The following PIP5K1A variants were observed in gnomAD, a reference collection of about 807,000 sequenced individuals.
PIP5K1A encodes the protein phosphatidylinositol-4-phosphate 5-kinase type 1 alpha.
PIP5K1A carries 46 observed loss-of-function variants against 72.9 expected under a neutral mutation model. The ratio of observed to expected loss-of-function variants is 0.63; its 90% CI spans 0.50 to 0.81. PIP5K1A has a LOEUF of 0.81. Among genes scored for constraint, PIP5K1A ranks in the 30% least tolerant of loss-of-function variants. The pLI is 0.00. For synonymous variants in PIP5K1A, 228 were observed against 255.1 expected, an observed-to-expected ratio of 0.89 and a Z score of 1.01; for missense variants, 458 against 706.1, an observed-to-expected ratio of 0.65 and a Z score of 3.98.
upstream of PIP5K1A, among the ~76,000 whole-genome samples, chr1:151,197,229 A>G (rs898943614): frequency 6.6e-6 from 1 of 151,644 alleles, no homozygotes; most frequent in Non-Finnish European, 1.5e-5. Flanking sequence ...GACATCTGGA[A>G]AGAGGATAAC....
chr1:151,201,704 A>C (rs1254157147), intron 1 of PIP5K1A, among the ~76,000 whole-genome samples: 2 of 152,050 alleles, frequency 1.3e-5, no homozygotes, highest in Non-Finnish European at 2.9e-5. Context: ...ACTAAAAAAT[A>C]CAAAAAAATT....
chr1:151,214,680 C>T (rs587686956), intron 1 of PIP5K1A, among the ~76,000 whole-genome samples: 13 of 151,880 alleles, frequency 8.6e-5, no homozygotes, highest in East Asian at 7.8e-4. Context: ...AGCACCTGGC[C>T]GGCTTTTTGC....
chr1:151,234,071 A>G, intron 7 of PIP5K1A, 126 bp from the exon 8 acceptor site: 5 of 697,502 alleles, frequency 7.2e-6, no homozygotes, highest in Non-Finnish European at 1.3e-5. Context: ...ATGTAGGTTT[A>G]TGGACACATT....
At chr1:151,245,010 G>C (rs1486949209) in intron 14 of PIP5K1A, among the ~76,000 whole-genome samples, 1 of 143,670 alleles carries the variant, frequency 7.0e-6, no homozygotes, top group Non-Finnish European at 1.5e-5. Flanking sequence ...TCCTCCCTCT[G>C]CCTCCTGAAG....
chr1:151,221,247 A>G (rs1688356344), intron 1 of PIP5K1A, among the ~76,000 whole-genome samples: 1 of 152,210 alleles, frequency 6.6e-6, no homozygotes, highest in Non-Finnish European at 1.5e-5. Flanking sequence ...ATATATCAGC[A>G]TTGCAGTTTA....
At chr1:151,227,996 C>T (rs1448463047) in intron 4 of PIP5K1A, among the ~76,000 whole-genome samples, 2 of 152,196 alleles carry the variant, frequency 1.3e-5, no homozygotes, top group African/African-American at 4.8e-5. Flanking sequence ...GCCATGAAAG[C>T]CATTCTTATC....
intron 4 of PIP5K1A, among the ~76,000 whole-genome samples, chr1:151,229,085 T>G (rs1448518462): frequency 7.1e-6 from 1 of 141,768 alleles, no homozygotes; most frequent in African/African-American, 2.6e-5. Context: ...TGAGAATAGC[T>G]TGAACCTGGG....
intron 14 of PIP5K1A, 92 bp downstream of exon 14, chr1:151,242,659 C>T (rs1294672152): frequency 9.0e-7 from 1 of 1,110,462 alleles, no homozygotes; most frequent in African/African-American, 1.6e-5. Context: ...TAATAAATTA[C>T]CCCAAAGATT....
intron 11 of PIP5K1A, 36 bp from the exon 12 acceptor site, chr1:151,239,919 G>GCT: frequency 1.2e-6 from 1 of 855,558 alleles, no homozygotes; most frequent in Non-Finnish European, 1.8e-6. Flanking sequence ...CTCTTGCCGG[G>GCT]CCTCCTAACT....
intron 1 of PIP5K1A, among the ~76,000 whole-genome samples, chr1:151,219,544 AT>A (rs1437842648): frequency 1.3e-5 from 2 of 151,322 alleles, no homozygotes; most frequent in Non-Finnish European, 2.9e-5. Context: ...AAAAAAAAAA[AT>A]TAGCTGGGTG....
chr1:151,216,457 A>G (rs1199306499), intron 1 of PIP5K1A, among the ~76,000 whole-genome samples: 2 of 152,052 alleles, frequency 1.3e-5, no homozygotes, highest in Non-Finnish European at 2.9e-5. Flanking sequence ...TGGCTCCCAT[A>G]TCTCACTGCC....
chr1:151,207,312 C>T (rs587757311), intron 1 of PIP5K1A, among the ~76,000 whole-genome samples: 3 of 152,284 alleles, frequency 2.0e-5, no homozygotes, highest in African/African-American at 7.2e-5. Context: ...AAACCCAAGT[C>T]TTTTAAGGAA....
At chr1:151,206,510 CTTG>C (rs1026451962) in intron 1 of PIP5K1A, among the ~76,000 whole-genome samples, 1 of 151,920 alleles carries the variant, frequency 6.6e-6, no homozygotes, top group African/African-American at 2.4e-5. Context: ...GTTTTTTGTT[CTTG>C]TTTGTTTGTT....
At chr1:151,201,609 G>A (rs778573821) in intron 1 of PIP5K1A, among the ~76,000 whole-genome samples, 6 of 151,972 alleles carry the variant, frequency 3.9e-5, no homozygotes, top group Non-Finnish European at 7.4e-5. Context: ...GCCCACTTCG[G>A]CCTCCAAAAA....
At chr1:151,219,690 A>T (rs1688130435) in intron 1 of PIP5K1A, among the ~76,000 whole-genome samples, 1 of 151,610 alleles carries the variant, frequency 6.6e-6, no homozygotes, top group Non-Finnish European at 1.5e-5. Flanking sequence ...GTGAAACTCC[A>T]TCTAAAAAAA....
At chr1:151,207,042 G>C (rs1325817942) in intron 1 of PIP5K1A, among the ~76,000 whole-genome samples, 3 of 151,860 alleles carry the variant, frequency 2.0e-5, no homozygotes, top group Non-Finnish European at 4.4e-5. Flanking sequence ...GCTAATTTTT[G>C]TATTTTTAGT....
At chr1:151,215,196 A>C (rs1444301250) in intron 1 of PIP5K1A, among the ~76,000 whole-genome samples, 5 of 150,368 alleles carry the variant, frequency 3.3e-5, no homozygotes, top group Non-Finnish European at 4.4e-5. Context: ...ATGCCATGCT[A>C]ATTGGTTTTT....
chr1:151,196,703 A>G (rs1321389144), upstream of PIP5K1A, among the ~76,000 whole-genome samples: 1 of 150,596 alleles, frequency 6.6e-6, no homozygotes. Context: ...CTGGGATTAC[A>G]GGAATGCTCC....
At chr1:151,227,262 T>C (rs1689288148) in intron 3 of PIP5K1A, 58 bp from the exon 4 acceptor site, 1 of 954,378 alleles carries the variant, frequency 1.0e-6, no homozygotes, top group African/African-American at 1.6e-5. Context: ...TGTACCATTG[T>C]GGTAGCTATT....
Sources: allele counts gnomAD v4.1 joint callset (sites outside exome capture counted in the v4.1 genomes callset), GRCh38; gene constraint gnomAD v4.1.1; transcripts MANE v1.5; gene names NCBI Gene and HGNC (gene_info 2026-07-23, HGNC 2026-07-21).